ERICH6B: variants seen among roughly 807,000 people sequenced by gnomAD.
ERICH6B encodes glutamate rich 6B.
In ERICH6B, 69 loss-of-function variants were observed where a neutral mutation model predicts 80.0. That is an observed-to-expected ratio of 0.86 (90% CI 0.71 to 1.05). The LOEUF (loss-of-function observed/expected upper bound fraction) is 1.05, where lower values mean the gene tolerates loss of function less well. Ranked by LOEUF, ERICH6B falls within the 50% of genes least tolerant of loss-of-function variation. ERICH6B has a pLI of 0.00. For missense variants in ERICH6B, 754 were observed against 796.1 expected, an observed-to-expected ratio of 0.95 and a Z score of 0.64; for synonymous variants, 283 against 291.9, an observed-to-expected ratio of 0.97 and a Z score of 0.31.
chr13:45,578,253 G>A (rs967635362), intron 7 of ERICH6B, among the ~76,000 whole-genome samples: 1 of 152,118 alleles, frequency 6.6e-6, no homozygotes, highest in Non-Finnish European at 1.5e-5. Context: ...AATTCCCCAT[G>A]CCCCTGATGT....
Position 45,549,887 on chromosome 13 carries a change from G to A in ERICH6B, c.1646+6C>T. ...GGAGTGTTAGGGACTCATGACCCAAGCTTACCAGATATCACTATTTTCATC... is the reference window on the plus strand; with the variant it reads ...GGAGTGTTAGGGACTCATGACCCAAACTTACCAGATATCACTATTTTCATC... On this transcript the variant is annotated splice_donor_region_variant and intron_variant, in intron 13 of 14. Transcript: ENST00000298738. 1.9e-6 allele frequency: 3 copies of A among 1,549,284 alleles called. No homozygotes were observed. Among genetic ancestry groups the A allele is most frequent in the Non-Finnish European group, 2.6e-6 (3 of 1,146,700 alleles).
At position 45,568,447 on chromosome 13, in the gene ERICH6B, A is replaced by G. The variant is rs146512278; in HGVS notation, c.1055T>C (p.Leu352Ser). The change falls in exon 9 of 15, where the codon TTG (leucine) becomes TCG (serine). Residue 352 changes from leucine (L) to serine (S), a missense_variant. Transcript: ENST00000298738. Reference protein sequence around the residue: ...LEVEDLDENFLNSSYQTVFKT... With the variant: ...LEVEDLDENFSNSSYQTVFKT... ...AAATACTGTCTGATAGGAGCTGTTC[A>G]AAAACTACAAAAGGATCAAAGAATG... 270 of 1,508,934 alleles carry G rather than the reference A, an allele frequency of 1.8e-4. 1 individual carries two copies. The African/African-American group carries it at 3.4e-3, about 19-fold the overall frequency. 93.5% of individuals were successfully genotyped at this position (1,508,934 alleles called of 1,614,324 possible). A position where few individuals can be genotyped will look rare whatever the true frequency, so the allele number is the denominator to read the frequency against.
At position 45,605,745 on chromosome 13, in the gene ERICH6B, A is replaced by C. The variant is rs142290204; in HGVS notation, c.-59+1819T>G. On this transcript the variant is annotated intron_variant, in intron 2 of 14. Transcript: ENST00000298738. ...TTTCACAAGCTCTGGTTAAACAATA[A>C]TTCTCCGTGATAAAGAAAGTAAAGA... Among the ~76,000 whole-genome samples the C allele has an allele frequency of 2.5e-3, 377 of 152,358 alleles. 2 individuals carry two copies. Among genetic ancestry groups the C allele is most frequent in the African/African-American group, 8.4e-3 (348 of 41,582 alleles).
chr13:45,580,804 G>A (rs927714079), intron 5 of ERICH6B, 139 bp from the exon 6 acceptor site: 66 of 744,754 alleles, frequency 8.9e-5, no homozygotes, highest in African/African-American at 5.5e-4. Flanking sequence ...TGAGGCTGGC[G>A]GCACAGCTGG....
At chr13:45,580,240 G>A (rs1216795853) in intron 6 of ERICH6B, among the ~76,000 whole-genome samples, 1 of 152,100 alleles carries the variant, frequency 6.6e-6, no homozygotes, top group Admixed American at 6.6e-5. Flanking sequence ...GGGTGAGATG[G>A]GTTTTGTCTA....
chr13:45,567,678 G>C (rs1221924389), intron 9 of ERICH6B, among the ~76,000 whole-genome samples: 2 of 152,176 alleles, frequency 1.3e-5, no homozygotes, highest in Admixed American at 6.5e-5. Context: ...CCCAGTCTTG[G>C]GTTTTTATCA....
At chr13:45,542,104 A>G (rs1873804563) in intron 14 of ERICH6B, among the ~76,000 whole-genome samples, 1 of 152,082 alleles carries the variant, frequency 6.6e-6, no homozygotes. Flanking sequence ...TTGGGAGTGT[A>G]TCTGGGTTTT....
At position 45,587,090 on chromosome 13, in the gene ERICH6B, T is replaced by C. The variant is rs1374753426; in HGVS notation, c.829A>G (p.Thr277Ala). Residue 277 changes from threonine (T) to alanine (A), a missense_variant, in exon 5 of 15, where the codon ACA becomes GCA. Physicochemically the swap from Thr to Ala is moderately conservative, Grantham distance 58 (BLOSUM62 0). Transcript: ENST00000298738. ...TLYRRSQASQ[T>A]DWCYDRTAVK... The stretch of plus-strand genomic sequence containing the variant: ...GCAGTTCTGTCGTAGCACCAGTCTG[T>C]CTGACTGGCCTGGCTCCTCCTGTAC... 9 of 1,551,674 alleles carry C rather than the reference T, an allele frequency of 5.8e-6. No homozygotes were observed. The highest frequency in any genetic ancestry group is 1.7e-4 in the Middle Eastern group (1 of 5,988).
intron 10 of ERICH6B, among the ~76,000 whole-genome samples, chr13:45,563,157 C>T (rs759330741): frequency 1.2e-4 from 18 of 152,132 alleles, no homozygotes; most frequent in Non-Finnish European, 2.5e-4. Flanking sequence ...CCTTTGGTCT[C>T]TTGGTAAAGG....
rs199749744 is a variant in ERICH6B, at chr13:45,596,547, C to T, written c.459G>A (p.Glu153=). 62 of 1,551,052 alleles carry T rather than the reference C, an allele frequency of 4.0e-5. No individual in the cohort carries two copies. The highest frequency in any genetic ancestry group is 5.0e-5 in the Non-Finnish European group (57 of 1,146,352). ...EGYLEKEDYI[E]EVDYLGKKAY... is the part of the protein sequence containing the mutation. Reference sequence around the variant, plus strand: ...CTTTCTTCCCCAGATAATCTACCTCCTCAATATAATCTTCCTTCTCCAGAT... The same window carrying T: ...CTTTCTTCCCCAGATAATCTACCTCTTCAATATAATCTTCCTTCTCCAGAT... The change falls in exon 3 of 15, where the codon GAG becomes GAA. Residue 153 remains glutamate, a synonymous_variant. Transcript: ENST00000298738.
In ERICH6B at chr13:45,548,603, G is replaced by A. The variant is rs78147223; in HGVS notation, c.1646+1290C>T. 4.1e-3 allele frequency among the ~76,000 whole-genome samples: 617 copies of A among 152,312 alleles called. 3 individuals are homozygous for A. The highest frequency in any genetic ancestry group is 0.014 in the African/African-American group (582 of 41,576). On this transcript the variant is annotated intron_variant, in intron 13 of 14. Transcript: ENST00000298738. ...TGCCGTGAAAGGATACACAGGGACC[G>A]TCTGTTTCTCATCCAGATGCTCAGG...
rs573618208 is a variant in ERICH6B, at chr13:45,555,107, T to C, written c.1408-4791A>G. ...AGGGGGCGCCATGGTGGGTAGATGG[T>C]GCCAGAGCTGGCAAAGATCTGAGGC... On this transcript the variant is annotated intron_variant, in intron 11 of 14. Transcript: ENST00000298738. 1.2e-3 allele frequency among the ~76,000 whole-genome samples: 186 copies of C among 152,268 alleles called. 1 individual carries two copies. The highest frequency in any genetic ancestry group is 0.01 in the Middle Eastern group (3 of 294).
intron 8 of ERICH6B, among the ~76,000 whole-genome samples, chr13:45,572,208 T>G (rs966279675): frequency 3.9e-5 from 6 of 152,320 alleles, no homozygotes; most frequent in Admixed American, 3.3e-4. Flanking sequence ...CTTGTCCTCT[T>G]CAGCTTTCCA....
At chr13:45,607,461 G>A (rs535708847) in intron 2 of ERICH6B, 103 bp downstream of exon 2, 1 of 152,312 alleles carries the variant, frequency 6.6e-6, no homozygotes, top group Admixed American at 6.5e-5. Flanking sequence ...GGATCACGGA[G>A]TGGCTAACAG....
chr13:45,579,187 T>G (rs1875550712), intron 7 of ERICH6B, among the ~76,000 whole-genome samples: 1 of 152,328 alleles, frequency 6.6e-6, no homozygotes, highest in Middle Eastern at 3.4e-3. Context: ...TGGAGAAAAC[T>G]GTTGATCAGT....
In ERICH6B at chr13:45,541,683, G is replaced by A. The variant is rs201717238; in HGVS notation, c.1873-3C>T. On this transcript the variant is annotated splice_region_variant and splice_polypyrimidine_tract_variant and intron_variant, in intron 14 of 14. Coordinates refer to ENST00000298738, the MANE Select transcript of ERICH6B (RefSeq NM_182542.3). ...CTCAGCACCTCTGGGATCACAAACTGTGGGGATTCACAGAGGACTGGGTGA... is the reference window on the plus strand; with the variant it reads ...CTCAGCACCTCTGGGATCACAAACTATGGGGATTCACAGAGGACTGGGTGA... The A allele has an allele frequency of 1.9e-4, 287 of 1,549,854 alleles. No individual in the cohort carries two copies. Among genetic ancestry groups the A allele is most frequent in the Non-Finnish European group, 2.3e-4 (265 of 1,146,944 alleles).
intron 13 of ERICH6B, among the ~76,000 whole-genome samples, chr13:45,548,640 C>G (rs1179622149): frequency 6.6e-6 from 1 of 152,074 alleles, no homozygotes; most frequent in Non-Finnish European, 1.5e-5. Context: ...GCAGAGGGGC[C>G]GGGACATGCT....
intron 11 of ERICH6B, among the ~76,000 whole-genome samples, chr13:45,556,771 A>ATG (rs1272561233): frequency 6.6e-6 from 1 of 151,982 alleles, no homozygotes; most frequent in African/African-American, 2.4e-5. Context: ...TCATATATAT[A>ATG]TGTGTGTGTA....
intron 4 of ERICH6B, among the ~76,000 whole-genome samples, chr13:45,588,213 T>C (rs1025884344): frequency 2.0e-5 from 3 of 152,044 alleles, no homozygotes; most frequent in African/African-American, 2.4e-5. Flanking sequence ...CAGAAGCCTG[T>C]TTTTTCTCAC....
Sources: allele counts gnomAD v4.1 joint callset (sites outside exome capture counted in the v4.1 genomes callset), GRCh38; gene constraint gnomAD v4.1.1; transcripts MANE v1.5; gene names NCBI Gene and HGNC (gene_info 2026-07-23, HGNC 2026-07-21).